The following PIR variants were observed in gnomAD, a reference collection of about 807,000 sequenced individuals.
PIR encodes the protein pirin (iron-binding nuclear protein).
In PIR, 22 loss-of-function variants were observed where a neutral mutation model predicts 24.2. That is an observed-to-expected ratio of 0.91 (90% CI 0.65 to 1.30). The LOEUF (loss-of-function observed/expected upper bound fraction) is 1.30. PIR is among the 50% of genes most tolerant of loss of function. PIR has a pLI of 0.00. For missense variants in PIR, 220 were observed against 220.3 expected (o/e 1.00, Z 0.01); for synonymous variants, 80 against 79.6 (o/e 1.00, Z -0.03).
At chrX:15,387,063 CTTTTCTTTTCTTTTTTTTTT>C (rs1332858670) in intron 9 of PIR, among the ~76,000 whole-genome samples, 779 of 22,995 alleles carry the variant, frequency 0.034, 15 homozygotes, top group African/African-American at 0.096. Flanking sequence ...TTTTGTTTTT[CTTTTCTTTTCTTTTTTTTTT>C]TTTTTTTTTT....
intron 6 of PIR, among the ~76,000 whole-genome samples, chrX:15,421,999 C>T (rs1255338620): frequency 9.0e-6 from 1 of 111,474 alleles, no homozygotes; most frequent in Non-Finnish European, 1.9e-5. Flanking sequence ...ATTCAACATA[C>T]ACAAATCAAT....
At chrX:15,487,307 A>T (rs182331898) in intron 2 of PIR, among the ~76,000 whole-genome samples, 1 of 105,989 alleles carries the variant, frequency 9.4e-6, no homozygotes, top group African/African-American at 3.5e-5. Context: ...GATTTTTAAA[A>T]TTTTTGTAAG....
At chrX:15,476,278 G>A (rs768629470) in intron 3 of PIR, among the ~76,000 whole-genome samples, 1 of 111,812 alleles carries the variant, frequency 8.9e-6, no homozygotes, top group South Asian at 3.7e-4. Context: ...CTCAAAATAT[G>A]TATATTAGTT....
At chrX:15,388,675 A>G (rs1345987069) in intron 9 of PIR, among the ~76,000 whole-genome samples, 1 of 111,975 alleles carries the variant, frequency 8.9e-6, no homozygotes, top group Non-Finnish European at 1.9e-5. Context: ...GTTATTTTCT[A>G]TCCTAACATT....
intron 5 of PIR, among the ~76,000 whole-genome samples, chrX:15,447,627 A>G (rs775078107): frequency 2.6e-3 from 290 of 112,279 alleles, no homozygotes; most frequent in African/African-American, 8.1e-3. Context: ...TGCTGATACC[A>G]GTTTTTAAAA....
chrX:15,455,896 C>T lies in PIR; in HGVS notation c.432G>A (p.Lys144=). The T allele has an allele frequency of 8.3e-7, 1 of 1,210,960 alleles. No homozygotes were observed. The highest frequency in any genetic ancestry group is 1.1e-6 in the Non-Finnish European group (1 of 894,637). ...LKSEEIPKPS[K]DGVTVAVISG... Reference sequence around the variant, plus strand: ...AAATGACAGCAACTGTCACACCATCCTTACTGGGTTTAGGGATTTCTTCAC... The same window carrying T: ...AAATGACAGCAACTGTCACACCATCTTTACTGGGTTTAGGGATTTCTTCAC... Residue 144 remains lysine, a synonymous_variant, in exon 5 of 10, where the codon AAG becomes AAA. Transcript: ENST00000380420.
At chrX:15,441,742 G>C (rs1925921214) in intron 5 of PIR, among the ~76,000 whole-genome samples, 1 of 111,117 alleles carries the variant, frequency 9.0e-6, no homozygotes, top group East Asian at 2.8e-4. Flanking sequence ...GCTCAGCTCA[G>C]GCCCTTCTGA....
chrX:15,469,793 T>C (rs1921788139), intron 3 of PIR, among the ~76,000 whole-genome samples: 1 of 111,435 alleles, frequency 9.0e-6, no homozygotes, highest in Non-Finnish European at 1.9e-5. Flanking sequence ...TGTCCTTAAA[T>C]AGCCAGGTAC....
intron 6 of PIR, among the ~76,000 whole-genome samples, chrX:15,424,190 G>GGTTA (rs34351925): frequency 0.025 from 2,819 of 111,579 alleles, 95 homozygotes; most frequent in African/African-American, 0.087. Context: ...ATAGATGAAT[G>GGTTA]AAGAAAATGT....
intron 6 of PIR, among the ~76,000 whole-genome samples, chrX:15,415,820 C>G (rs1384854393): frequency 3.6e-5 from 4 of 110,167 alleles, no homozygotes; most frequent in Non-Finnish European, 7.6e-5. Context: ...ATATGAAAGG[C>G]AAAACAACAA....
At chrX:15,482,520 A>AT (rs1367690616) in intron 2 of PIR, among the ~76,000 whole-genome samples, 5 of 111,881 alleles carry the variant, frequency 4.5e-5, no homozygotes, top group South Asian at 3.7e-4. Context: ...CACTTATATG[A>AT]TTTTTTCTCC....
intron 6 of PIR, among the ~76,000 whole-genome samples, chrX:15,419,550 C>T (rs539997522): frequency 2.7e-5 from 3 of 111,417 alleles, no homozygotes; most frequent in South Asian, 3.8e-4. Context: ...GGTTTACAGA[C>T]GCTCAATGCT....
intron 4 of PIR, among the ~76,000 whole-genome samples, chrX:15,458,930 T>A (rs981022589): frequency 3.5e-5 from 4 of 112,754 alleles, no homozygotes; most frequent in African/African-American, 9.7e-5. Flanking sequence ...TTGCCATGAC[T>A]TTTTTCTTTT....
chrX:15,409,288 G>C (rs891241750), intron 6 of PIR, among the ~76,000 whole-genome samples: 1 of 89,346 alleles, frequency 1.1e-5, no homozygotes, highest in Non-Finnish European at 2.2e-5. Context: ...TAGTAGAGAC[G>C]GGGTTTCACC....
At chrX:15,405,395 C>T (rs1013101170) in intron 7 of PIR, among the ~76,000 whole-genome samples, 4 of 112,108 alleles carry the variant, frequency 3.6e-5, no homozygotes, top group African/African-American at 1.3e-4. Context: ...CATCTGTGGC[C>T]GCTTCTGTGA....
Position 15,460,392 on chromosome X carries a change from G to A in PIR, c.190-652C>T, listed in dbSNP as rs545413891. ...GATAATGTGGTATATATACACAATG[G>A]AGTACTATTAAGCCTTAAAAAATAA... On this transcript the variant is annotated intron_variant, in intron 3 of 9. Transcript: ENST00000380420. Among the ~76,000 whole-genome samples the A allele has an allele frequency of 4.5e-5, 5 of 111,744 alleles. No homozygotes were observed. The South Asian group carries it at 1.9e-3, about 42-fold the overall frequency.
rs376249765 is a variant in PIR, at chrX:15,385,083, G to C, written c.794C>G (p.Ser265Cys). The C allele has an allele frequency of 1.7e-6, 2 of 1,185,424 alleles. No individual in the cohort carries two copies. Among genetic ancestry groups the C allele is most frequent in the Non-Finnish European group, 2.3e-6 (2 of 873,663 alleles). Reference protein sequence around the residue: ...PFVMNTNEEISQAILDFRNAK... With the variant: ...PFVMNTNEEICQAILDFRNAK... The stretch of plus-strand genomic sequence containing the variant: ...GTTTCTGAAATCAAGAATAGCTTGA[G>C]AAATCTCTTCATTGGTGTTCATCAC... The change falls in exon 10 of 10, where the codon TCT becomes TGT. Residue 265 changes from serine to cysteine, a missense_variant. By Grantham distance (112) the Ser-to-Cys change is moderately radical. Transcript: ENST00000380420.
chrX:15,492,076 A>T (rs978360431), intron 1 of PIR, among the ~76,000 whole-genome samples: 3 of 109,017 alleles, frequency 2.8e-5, no homozygotes, highest in African/African-American at 1.0e-4. Context: ...GGTAGCACCC[A>T]TGAGGTAGTT....
intron 1 of PIR, among the ~76,000 whole-genome samples, chrX:15,492,212 G>A (rs763691072): frequency 1.2e-4 from 13 of 110,355 alleles, no homozygotes; most frequent in Non-Finnish European, 1.9e-4. Context: ...AGAGATCTTC[G>A]AGGGTCATTG....
Sources: gnomAD v4.1 joint callset for allele counts (sites outside exome capture counted in the v4.1 genomes callset) on GRCh38, gnomAD v4.1.1 for gene constraint, MANE v1.5 for transcripts, NCBI Gene and HGNC (gene_info 2026-07-23, HGNC 2026-07-21) for gene names.